The following CYP7B1 variants were observed in gnomAD, a reference collection of about 807,000 sequenced individuals.
CYP7B1 encodes the protein cytochrome P450 7B1.
In CYP7B1, 29 loss-of-function variants were observed where a neutral mutation model predicts 42.7. The ratio of observed to expected loss-of-function variants is 0.68; its 90% confidence interval spans 0.51 to 0.93. CYP7B1 has a LOEUF of 0.93. Ranked by LOEUF, CYP7B1 falls within the 40% of genes least tolerant of loss-of-function variation. CYP7B1 has a pLI of 0.00. For synonymous variants in CYP7B1, 235 were observed against 218.2 expected (o/e 1.08, Z -0.68); for missense variants, 655 against 600.5 (o/e 1.09, Z -0.95).
rs574630732 is a variant in CYP7B1 at position 64,645,198 on chromosome 8, G to T, written c.123-20659C>A. 1.4e-4 allele frequency among the ~76,000 whole-genome samples: 21 copies of T among 150,742 alleles called. No individual in the cohort carries two copies. The South Asian group carries it at 4.1e-3, about 29-fold the overall frequency. The stretch of plus-strand genomic sequence containing the variant: ...GGGTTGGTTCCAAGTCTTTGCTATT[G>T]TGAATAGTGCCACAATAAACATACA... On this transcript the variant is annotated intron_variant, in intron 1 of 5. Coordinates refer to ENST00000310193, the MANE Select transcript of CYP7B1 (RefSeq NM_004820.5).
rs543928125 is a variant in CYP7B1 at position 64,736,580 on chromosome 8, A to G, written c.122+61886T>C. On this transcript the variant is annotated intron_variant, in intron 1 of 5. Transcript: ENST00000310193. ...ATTCTCCTGCCTTAGCCTCCCAAGT[A>G]GCTGGGACTACAGGTGCCTGCCACC... Among the ~76,000 whole-genome samples the G allele has an allele frequency of 8.5e-5, 13 of 152,130 alleles. 1 individual carries two copies. The highest frequency in any genetic ancestry group is 1.3e-4 in the Non-Finnish European group (9 of 67,998).
chr8:64,689,519 T>C (rs539644370), intron 1 of CYP7B1, among the ~76,000 whole-genome samples: 5 of 152,274 alleles, frequency 3.3e-5, no homozygotes, highest in African/African-American at 1.2e-4. Flanking sequence ...TTTTTATAGG[T>C]TATATGCAAC....
chr8:64,694,115 AG>A (rs1293619566), intron 1 of CYP7B1, among the ~76,000 whole-genome samples: 3 of 152,324 alleles, frequency 2.0e-5, no homozygotes, highest in Admixed American at 6.5e-5. Flanking sequence ...TAAGCTCTCC[AG>A]ATTCTCTACC....
chr8:64,720,232 A>T (rs1297808742), intron 1 of CYP7B1, among the ~76,000 whole-genome samples: 1 of 152,208 alleles, frequency 6.6e-6, no homozygotes, highest in African/African-American at 2.4e-5. Context: ...GCTGAATTAA[A>T]AAAAGACGAT....
At chr8:64,778,274 T>C (rs1804360921) in intron 1 of CYP7B1, among the ~76,000 whole-genome samples, 1 of 150,890 alleles carries the variant, frequency 6.6e-6, no homozygotes, top group South Asian at 2.1e-4. Context: ...TATACACACA[T>C]ATACATGCAT....
At chr8:64,659,860 G>C (rs1806175320) in intron 1 of CYP7B1, among the ~76,000 whole-genome samples, 1 of 152,156 alleles carries the variant, frequency 6.6e-6, no homozygotes, top group Admixed American at 6.5e-5. Flanking sequence ...TCTTGAGTTT[G>C]TAAGAGATGT....
intron 5 of CYP7B1, among the ~76,000 whole-genome samples, chr8:64,604,450 C>G (rs1186193895): frequency 2.0e-5 from 3 of 152,194 alleles, no homozygotes; most frequent in African/African-American, 7.2e-5. Context: ...AAGCAACTAG[C>G]ATTTAGTCTC....
intron 1 of CYP7B1, among the ~76,000 whole-genome samples, chr8:64,776,237 T>C (rs1804325195): frequency 1.3e-5 from 2 of 152,148 alleles, no homozygotes; most frequent in African/African-American, 4.8e-5. Context: ...GCCCAAATTC[T>C]GGTCCTTTTC....
intron 1 of CYP7B1, among the ~76,000 whole-genome samples, chr8:64,629,411 G>A (rs548881099): frequency 7.5e-4 from 114 of 152,118 alleles, no homozygotes; most frequent in African/African-American, 2.5e-3. Flanking sequence ...ATAAAATTAC[G>A]TATTTATTAA....
chr8:64,612,189 C>T (rs180820445), intron 4 of CYP7B1, among the ~76,000 whole-genome samples: 7 of 152,016 alleles, frequency 4.6e-5, no homozygotes, highest in Admixed American at 4.6e-4. Context: ...CTACCTCCAC[C>T]CCAGATTTTT....
At chr8:64,656,813 C>T (rs939995706) in intron 1 of CYP7B1, among the ~76,000 whole-genome samples, 4 of 152,106 alleles carry the variant, frequency 2.6e-5, no homozygotes, top group Admixed American at 6.6e-5. Context: ...TTTATAATAA[C>T]GTGATGTTAC....
Position 64,596,516 on chromosome 8 carries a change from T to C in CYP7B1, c.*126A>G. 1 of 985,672 alleles carries C rather than the reference T, an allele frequency of 1.0e-6. No homozygotes were observed. The highest frequency in any genetic ancestry group is 1.5e-6 in the Non-Finnish European group (1 of 673,934). 61.1% of individuals were successfully genotyped at this position (985,672 alleles called of 1,614,324 possible). ...AAGGACAAACTGGACTGATATCAGA[T>C]CAAATAGAAATTAGCGCTTTTTAAA... On this transcript the variant is annotated 3_prime_UTR_variant, in exon 6 of 6. Transcript: ENST00000310193.
Position 64,593,899 on chromosome 8 carries a change from C to T in CYP7B1, c.*2743G>A, listed in dbSNP as rs377755564. ...GCATATATGAAGAACAAAAGGGAAT[C>T]GTAAAACTGAAAAATGTAATGATTG... On this transcript the variant is annotated 3_prime_UTR_variant, in exon 6 of 6. Coordinates refer to ENST00000310193, the MANE Select transcript of CYP7B1 (RefSeq NM_004820.5). Among the ~76,000 whole-genome samples, 3 of 151,986 alleles carry T rather than the reference C, an allele frequency of 2.0e-5. No individual in the cohort carries two copies. The highest frequency in any genetic ancestry group is 6.5e-5 in the Admixed American group (1 of 15,268).
At chr8:64,668,883 C>T (rs1806322995) in intron 1 of CYP7B1, among the ~76,000 whole-genome samples, 1 of 152,020 alleles carries the variant, frequency 6.6e-6, no homozygotes, top group Non-Finnish European at 1.5e-5. Context: ...CTAAAATGTT[C>T]TCTATCCAAG....
chr8:64,608,915 T>G (rs542926401), intron 4 of CYP7B1, among the ~76,000 whole-genome samples: 40 of 152,324 alleles, frequency 2.6e-4, no homozygotes, highest in Admixed American at 2.4e-3. Context: ...AGACACAGTC[T>G]TTGGTTCACT....
At chr8:64,700,799 A>T (rs1249893244) in intron 1 of CYP7B1, among the ~76,000 whole-genome samples, 1 of 152,112 alleles carries the variant, frequency 6.6e-6, no homozygotes, top group Non-Finnish European at 1.5e-5. Context: ...TCATACCAGA[A>T]TGTGACTGGA....
chr8:64,614,281 G>C (rs1346455401), intron 4 of CYP7B1, among the ~76,000 whole-genome samples: 1 of 152,066 alleles, frequency 6.6e-6, no homozygotes, highest in Non-Finnish European at 1.5e-5. Context: ...TTGAGGTACA[G>C]ACCTATGTAG....
At chr8:64,735,546 G>A (rs1261717231) in intron 1 of CYP7B1, among the ~76,000 whole-genome samples, 1 of 152,098 alleles carries the variant, frequency 6.6e-6, no homozygotes, top group Non-Finnish European at 1.5e-5. Context: ...AGCTGACGGT[G>A]ATATTTAAAT....
chr8:64,721,200 C>A (rs1286050356), intron 1 of CYP7B1, among the ~76,000 whole-genome samples: 1 of 151,550 alleles, frequency 6.6e-6, no homozygotes, highest in Non-Finnish European at 1.5e-5. Flanking sequence ...AAAAAGTAAA[C>A]AGAAAAACAA....
Sources: gnomAD v4.1 joint callset for allele counts (sites outside exome capture counted in the v4.1 genomes callset) on GRCh38, gnomAD v4.1.1 for gene constraint, MANE v1.5 for transcripts, NCBI Gene and HGNC (gene_info 2026-07-23, HGNC 2026-07-21) for gene names.